DMD: variants seen among roughly 807,000 people sequenced by gnomAD.
The protein encoded by DMD is mutant dystrophin.
Under a neutral mutation model 330.1 loss-of-function variants are expected in DMD, and 63 were observed. The ratio of observed to expected loss-of-function variants is 0.19; its 90% CI spans 0.16 to 0.24. The LOEUF (loss-of-function observed/expected upper bound fraction) is 0.24. DMD is among the 10% of genes least tolerant of loss of function. DMD has a pLI of 1.00. For missense variants in DMD, 3,344 were observed against 2,684.1 expected (o/e 1.25, Z -5.43); for synonymous variants, 1,223 against 959.8 (o/e 1.27, Z -5.07).
At chrX:31,751,311 A>G (rs1181600218) in intron 51 of DMD, among the ~76,000 whole-genome samples, 1 of 111,284 alleles carries the variant, frequency 9.0e-6, no homozygotes, top group Non-Finnish European at 1.9e-5. Context: ...TCCACATGTC[A>G]TAAGGTCTCT....
intron 9 of DMD, among the ~76,000 whole-genome samples, chrX:32,686,773 C>CA (rs1407035879): frequency 9.1e-6 from 1 of 109,437 alleles, no homozygotes; most frequent in African/African-American, 3.3e-5. Context: ...AAAATTAATG[C>CA]AAAAAAGAAA....
intron 29 of DMD, among the ~76,000 whole-genome samples, chrX:32,429,387 GTTTT>G (rs10692022): frequency 3.2e-4 from 14 of 44,200 alleles, no homozygotes; most frequent in Middle Eastern, 0.029. Flanking sequence ...TTTTTTTTGG[GTTTT>G]TTTTTTTTTT....
intron 67 of DMD, among the ~76,000 whole-genome samples, chrX:31,189,280 T>G (rs2042090013): frequency 9.0e-6 from 1 of 111,409 alleles, no homozygotes; most frequent in African/African-American, 3.3e-5. Flanking sequence ...ACTACAATAA[T>G]TAGTACAGTC....
At chrX:32,941,570 CAT>C (rs747217951) in intron 2 of DMD, among the ~76,000 whole-genome samples, 10 of 111,519 alleles carry the variant, frequency 9.0e-5, no homozygotes, top group Non-Finnish European at 1.9e-4. Context: ...CCAAATACCA[CAT>C]GTTCTCACTT....
intron 19 of DMD, among the ~76,000 whole-genome samples, chrX:32,501,139 G>T (rs1447042383): frequency 9.8e-5 from 11 of 111,798 alleles, no homozygotes; most frequent in Non-Finnish European, 9.4e-5. Context: ...TTGAGGCACT[G>T]AGTATTAGAA....
At chrX:33,213,824 T>C (rs1313458154), upstream of DMD, among the ~76,000 whole-genome samples, 9 of 111,081 alleles carry the variant, frequency 8.1e-5, no homozygotes, top group East Asian at 1.4e-3. Context: ...TGTATACATA[T>C]TTCTATTTCA....
At chrX:32,894,788 T>C (rs183259299) in intron 2 of DMD, among the ~76,000 whole-genome samples, 4 of 112,303 alleles carry the variant, frequency 3.6e-5, no homozygotes, top group South Asian at 7.5e-4. Flanking sequence ...TGATTACCTA[T>C]CTTACTGGTT....
chrX:33,104,503 GAGT>G (rs2095268509), intron 1 of DMD, among the ~76,000 whole-genome samples: 2 of 108,334 alleles, frequency 1.8e-5, no homozygotes, highest in Non-Finnish European at 3.8e-5. Flanking sequence ...CTCCCCCACT[GAGT>G]ACCTTGTGAC....
chrX:32,978,595 G>A (rs1162402347), intron 2 of DMD, among the ~76,000 whole-genome samples: 1 of 111,644 alleles, frequency 9.0e-6, no homozygotes, highest in Non-Finnish European at 1.9e-5. Context: ...TCAGCCTCCT[G>A]AGTAGCTGGG....
chrX:32,175,824 CAA>C (rs1042236910), intron 44 of DMD, among the ~76,000 whole-genome samples: 1 of 111,300 alleles, frequency 9.0e-6, no homozygotes, highest in Non-Finnish European at 1.9e-5. Flanking sequence ...CGTATGTAAA[CAA>C]AAAAAGTTTT....
At chrX:32,803,166 G>T (rs1224983996) in intron 7 of DMD, among the ~76,000 whole-genome samples, 2 of 111,357 alleles carry the variant, frequency 1.8e-5, no homozygotes, top group Non-Finnish European at 3.8e-5. Flanking sequence ...TTCTATTCAG[G>T]GATTTGACTT....
At chrX:31,240,578 T>C (rs1034458156) in intron 63 of DMD, among the ~76,000 whole-genome samples, 1 of 111,710 alleles carries the variant, frequency 9.0e-6, no homozygotes, top group African/African-American at 3.3e-5. Flanking sequence ...GAGAGTACTA[T>C]TGTACAATGG....
chrX:33,080,638 T>C (rs1238151993), intron 1 of DMD, among the ~76,000 whole-genome samples: 1 of 111,474 alleles, frequency 9.0e-6, no homozygotes, highest in Admixed American at 9.6e-5. Context: ...CTGACTCTTT[T>C]CAGCATAGCT....
At chrX:32,731,078 G>T (rs1489058353) in intron 7 of DMD, among the ~76,000 whole-genome samples, 1 of 111,926 alleles carries the variant, frequency 8.9e-6, no homozygotes, top group Admixed American at 9.4e-5. Flanking sequence ...CCGAAGCAGG[G>T]TGAGGCATTG....
intron 2 of DMD, among the ~76,000 whole-genome samples, chrX:32,971,458 A>G (rs2092379372): frequency 9.0e-6 from 1 of 111,472 alleles, no homozygotes; most frequent in African/African-American, 3.3e-5. Flanking sequence ...TTTCAGGGAA[A>G]AAAACCCTTA....
chrX:32,684,832 C>T (rs1489372441), intron 9 of DMD, among the ~76,000 whole-genome samples: 3 of 110,940 alleles, frequency 2.7e-5, no homozygotes, highest in Non-Finnish European at 5.7e-5. Context: ...GATTTATCAG[C>T]ATTATTTATA....
At chrX:32,828,451 TACACAC>T (rs566508820) in intron 4 of DMD, among the ~76,000 whole-genome samples, 3 of 105,058 alleles carry the variant, frequency 2.9e-5, no homozygotes, top group East Asian at 3.0e-4. Flanking sequence ...AGTGTGTGTA[TACACAC>T]ACACACACAC....
At chrX:31,904,020 T>C (rs2094451161) in intron 47 of DMD, among the ~76,000 whole-genome samples, 2 of 111,693 alleles carry the variant, frequency 1.8e-5, no homozygotes, top group Non-Finnish European at 3.8e-5. Flanking sequence ...AAGCTTTGCA[T>C]TAAAACTAAA....
At chrX:32,729,508 CTGAA>C (rs1217658740) in intron 7 of DMD, among the ~76,000 whole-genome samples, 2 of 111,720 alleles carry the variant, frequency 1.8e-5, no homozygotes, top group African/African-American at 6.5e-5. Flanking sequence ...GCTTGGCAAG[CTGAA>C]TGATTCTCCA....
Sources: gnomAD v4.1 joint callset for allele counts (sites outside exome capture counted in the v4.1 genomes callset) on GRCh38, gnomAD v4.1.1 for gene constraint, MANE v1.5 for transcripts, NCBI Gene and HGNC (gene_info 2026-07-23, HGNC 2026-07-21) for gene names.